The following EYA1 variants were observed in gnomAD, a reference collection of about 807,000 sequenced individuals.
EYA1 encodes the protein EYA transcriptional coactivator and phosphatase 1, also known as protein phosphatase EYA1.
A neutral mutation model predicts 82.0 loss-of-function variants in EYA1; 16 were observed. The observed-to-expected ratio is 0.20, with a 90% CI of 0.13 to 0.30. EYA1 has a LOEUF of 0.30. EYA1 is among the 10% of genes least tolerant of loss of function. EYA1 has a pLI of 1.00. For missense variants in EYA1, 633 were observed against 730.7 expected, an observed-to-expected ratio of 0.87 and a Z score of 1.54; for synonymous variants, 261 against 264.4, an observed-to-expected ratio of 0.99 and a Z score of 0.12.
At chr8:71,328,809 T>A (rs1823465450) in intron 4 of EYA1, among the ~76,000 whole-genome samples, 1 of 152,182 alleles carries the variant, frequency 6.6e-6, no homozygotes, top group Non-Finnish European at 1.5e-5. Context: ...ACTGCTTTTC[T>A]CAGTCTGTCT....
chr8:71,267,747 AC>A (rs959119055), intron 11 of EYA1, among the ~76,000 whole-genome samples: 1 of 152,062 alleles, frequency 6.6e-6, no homozygotes, highest in African/African-American at 2.4e-5. Flanking sequence ...ACGGGGTTTC[AC>A]TGTGTTAGCC....
At chr8:71,382,542 T>A (rs1002618766) in intron 2 of EYA1, among the ~76,000 whole-genome samples, 3 of 152,128 alleles carry the variant, frequency 2.0e-5, no homozygotes, top group South Asian at 2.1e-4. Flanking sequence ...AAGAATTTTT[T>A]AAAAATATTT....
intron 17 of EYA1, among the ~76,000 whole-genome samples, 191 bp from the exon 18 acceptor site, chr8:71,199,611 G>GTAAA (rs767889906): frequency 1.3e-5 from 2 of 152,206 alleles, no homozygotes; most frequent in Non-Finnish European, 2.9e-5. Context: ...GGACTGAGTT[G>GTAAA]TAAAATGTAA....
chr8:71,381,276 C>T (rs1433231066), intron 2 of EYA1, among the ~76,000 whole-genome samples: 1 of 152,072 alleles, frequency 6.6e-6, no homozygotes, highest in Admixed American at 6.6e-5. Context: ...TTTAGTTAGA[C>T]ACAAAATTAA....
rs140109536 is a variant in EYA1, at chr8:71,353,907, C to T, written c.124+875G>A. On this transcript the variant is annotated intron_variant, in intron 3 of 17. Transcript: ENST00000340726. ...TCATCAAGGTCCTAAGGCTTAGTAA[C>T]GAATAAATAAGCAAAATATTAATCT... Among the ~76,000 whole-genome samples, 460 of 151,902 alleles carry T rather than the reference C, an allele frequency of 3.0e-3. 1 individual carries two copies. Among genetic ancestry groups the T allele is most frequent in the African/African-American group, 0.01 (418 of 41,418 alleles).
chr8:71,264,639 G>A (rs1015926675), intron 11 of EYA1, among the ~76,000 whole-genome samples: 3 of 150,588 alleles, frequency 2.0e-5, no homozygotes, highest in Non-Finnish European at 4.4e-5. Context: ...ATGCAGTAGT[G>A]CAATCATAGT....
At chr8:71,269,599 C>G (rs1816268638) in intron 11 of EYA1, 141 bp downstream of exon 11, 3 of 556,320 alleles carry the variant, frequency 5.4e-6, no homozygotes, top group Admixed American at 3.4e-5. Context: ...TTTTACCTTA[C>G]ATATATATAT....
intron 2 of EYA1, among the ~76,000 whole-genome samples, chr8:71,506,792 A>C (rs1171902403): frequency 3.9e-5 from 6 of 152,140 alleles, no homozygotes; most frequent in African/African-American, 1.4e-4. Flanking sequence ...ACTATGAATA[A>C]AAATCCTAAA....
intron 3 of EYA1, among the ~76,000 whole-genome samples, chr8:71,346,719 A>G (rs1238993287): frequency 6.6e-6 from 1 of 152,124 alleles, no homozygotes; most frequent in Non-Finnish European, 1.5e-5. Flanking sequence ...AACAGGCAAC[A>G]ATGTTGACTG....
intron 17 of EYA1, among the ~76,000 whole-genome samples, chr8:71,204,687 C>T (rs1183612005): frequency 2.0e-5 from 3 of 152,164 alleles, no homozygotes; most frequent in African/African-American, 7.2e-5. Flanking sequence ...GTGTATACTT[C>T]TCATTTGTGT....
chr8:71,407,054 G>A (rs1458253630), intron 2 of EYA1, among the ~76,000 whole-genome samples: 1 of 111,102 alleles, frequency 9.0e-6, no homozygotes, highest in Non-Finnish European at 2.1e-5. Context: ...CTCCTCAAGT[G>A]GGTCCCTGAC....
chr8:71,393,944 C>T (rs1829431587), intron 2 of EYA1, among the ~76,000 whole-genome samples: 1 of 152,200 alleles, frequency 6.6e-6, no homozygotes, highest in Admixed American at 6.5e-5. Flanking sequence ...TCCACATCCT[C>T]TCCAGCATCT....
chr8:71,306,436 C>G (rs1563434864), intron 7 of EYA1, among the ~76,000 whole-genome samples: 1 of 151,792 alleles, frequency 6.6e-6, no homozygotes, highest in Non-Finnish European at 1.5e-5. Context: ...TGTTACGATT[C>G]TGAATTGCCG....
chr8:71,523,225 C>T (rs1192492288), intron 2 of EYA1, among the ~76,000 whole-genome samples: 1 of 129,572 alleles, frequency 7.7e-6, no homozygotes, highest in Admixed American at 9.8e-5. Flanking sequence ...GTCATCCAGG[C>T]TGGAATGCAG....
At chr8:71,300,150 G>C (rs1820045190) in intron 7 of EYA1, among the ~76,000 whole-genome samples, 1 of 152,126 alleles carries the variant, frequency 6.6e-6, no homozygotes, top group African/African-American at 2.4e-5. Flanking sequence ...TTTCAGACTT[G>C]TATTATATGG....
At chr8:71,372,596 T>C (rs904748921) in intron 2 of EYA1, among the ~76,000 whole-genome samples, 1 of 152,106 alleles carries the variant, frequency 6.6e-6, no homozygotes, top group Non-Finnish European at 1.5e-5. Context: ...ACCCTAGGCA[T>C]GACAGTCCAG....
chr8:71,467,029 A>G (rs1808824102), intron 2 of EYA1, among the ~76,000 whole-genome samples: 1 of 152,146 alleles, frequency 6.6e-6, no homozygotes, highest in Non-Finnish European at 1.5e-5. Context: ...AAAGGTACAC[A>G]GCCATATTCT....
At chr8:71,268,371 T>A (rs1816123073) in intron 11 of EYA1, among the ~76,000 whole-genome samples, 2 of 152,236 alleles carry the variant, frequency 1.3e-5, no homozygotes, top group Admixed American at 1.3e-4. Flanking sequence ...TTCTGCCTAC[T>A]AACTACATGT....
At chr8:71,287,863 A>T (rs956572682) in intron 9 of EYA1, among the ~76,000 whole-genome samples, 25 of 152,212 alleles carry the variant, frequency 1.6e-4, no homozygotes, top group Admixed American at 1.5e-3. Context: ...TGAGGGCCTA[A>T]TATGTATCAG....
Sources: allele counts gnomAD v4.1 joint callset (sites outside exome capture counted in the v4.1 genomes callset), GRCh38; gene constraint gnomAD v4.1.1; transcripts MANE v1.5; gene names NCBI Gene and HGNC (gene_info 2026-07-23, HGNC 2026-07-21).